Variants in TRAPPC10 observed in about 807,000 individuals in gnomAD.
The protein encoded by TRAPPC10 is TRAPP 130 kDa subunit.
In TRAPPC10, 23 loss-of-function variants were observed where a neutral mutation model predicts 125.5. That is an observed-to-expected ratio of 0.18 (90% CI 0.13 to 0.26). The LOEUF is 0.26. TRAPPC10 is among the 10% of genes least tolerant of loss of function. TRAPPC10 has a pLI of 1.00. For missense variants in TRAPPC10, 1,123 were observed against 1,308.4 expected (o/e 0.86, Z 2.19); for synonymous variants, 509 against 518.0 (o/e 0.98, Z 0.24).
At chr21:44,042,989 TTATA>T (rs2034520697) in intron 3 of TRAPPC10, among the ~76,000 whole-genome samples, 1 of 152,042 alleles carries the variant, frequency 6.6e-6, no homozygotes, top group South Asian at 2.1e-4. Context: ...TTCAAATTAT[TTATA>T]TATATTAGGA....
chr21:44,077,598 A>G (rs772248529), intron 10 of TRAPPC10, 95 bp from the exon 11 acceptor site: 1 of 1,006,092 alleles, frequency 9.9e-7, no homozygotes, highest in Non-Finnish European at 1.5e-6. Flanking sequence ...ACAAAAACCC[A>G]ACAATGTCTT....
chr21:44,076,861 G>A (rs554691937), intron 10 of TRAPPC10, among the ~76,000 whole-genome samples: 2 of 152,264 alleles, frequency 1.3e-5, no homozygotes, highest in East Asian at 1.9e-4. Flanking sequence ...AATATTTACC[G>A]TTTTGTTCAA....
intron 1 of TRAPPC10, among the ~76,000 whole-genome samples, chr21:44,017,256 T>G (rs1024768221): frequency 6.6e-6 from 1 of 152,220 alleles, no homozygotes; most frequent in Non-Finnish European, 1.5e-5. Flanking sequence ...ATGTCATTTC[T>G]ACCCGAGCAT....
At position 44,014,599 on chromosome 21, in the gene TRAPPC10, T is replaced by TG. The variant is rs1310408070; in HGVS notation, c.67+2039_67+2040insG. ...TTTTTGTTTGTTTGTTTTTGTTTTT[T>TG]TTTTTTTTCAGTAGAGACAGAGTTT... On this transcript the variant is annotated intron_variant, in intron 1 of 22. Transcript: ENST00000291574. Among the ~76,000 whole-genome samples, 72 of 150,638 alleles carry TG rather than the reference T, an allele frequency of 4.8e-4. 1 individual carries two copies. The Middle Eastern group carries it at 0.021, about 43-fold the overall frequency.
intron 6 of TRAPPC10, among the ~76,000 whole-genome samples, chr21:44,061,133 A>G (rs2036021552): frequency 6.6e-6 from 1 of 151,146 alleles, no homozygotes; most frequent in Admixed American, 6.6e-5. Context: ...TTTTAATTTA[A>G]TTTAATTTTA....
Position 44,057,122 on chromosome 21 carries a change from C to T in TRAPPC10, c.678+1229C>T, listed in dbSNP as rs552084232. Among the ~76,000 whole-genome samples the T allele has an allele frequency of 2.6e-5, 4 of 152,148 alleles. No individual in the cohort carries two copies. In the East Asian group the frequency reaches 7.7e-4, roughly 29 times the overall value. On this transcript the variant is annotated intron_variant, in intron 5 of 22. Coordinates refer to ENST00000291574, the MANE Select transcript of TRAPPC10 (RefSeq NM_003274.5). ...CTGCTTATGTGAGGTCCCTCGAGTG[C>T]TCAGGTTCAGAGACAGAAGGTGGAA...
At chr21:44,040,709 C>T (rs560764720) in intron 3 of TRAPPC10, among the ~76,000 whole-genome samples, 10 of 151,764 alleles carry the variant, frequency 6.6e-5, no homozygotes, top group Middle Eastern at 3.4e-3. Context: ...GCAACCTCCG[C>T]CCCTCTAGGC....
At position 44,037,792 on chromosome 21, in the gene TRAPPC10, G is replaced by C; in HGVS notation, c.150G>C (p.Arg50Ser). Residue 50 changes from arginine to serine, a missense_variant and splice_region_variant, in exon 3 of 23, where the codon AGG becomes AGC. Arg to Ser is a moderately radical substitution (Grantham distance 110, BLOSUM62 -1). Transcript: ENST00000291574. ...AGTGACTTCAAACAATTGTTTACAGGTCCTATGGCCGGGCTCCGAAGATGA... is the reference window on the plus strand; with the variant it reads ...AGTGACTTCAAACAATTGTTTACAGCTCCTATGGCCGGGCTCCGAAGATGA... ...QLPREPMEWRRSYGRAPKMIH... is the reference protein window; with the variant it reads ...QLPREPMEWRSSYGRAPKMIH... The C allele has an allele frequency of 2.5e-6, 4 of 1,612,862 alleles. No individual in the cohort carries two copies. Among genetic ancestry groups the C allele is most frequent in the Non-Finnish European group, 3.4e-6 (4 of 1,179,490 alleles).
intron 12 of TRAPPC10, 62 bp from the exon 13 acceptor site, chr21:44,079,953 A>G (rs2037565145): frequency 2.1e-6 from 3 of 1,454,818 alleles, no homozygotes; most frequent in Non-Finnish European, 2.9e-6. Flanking sequence ...GAGACTTTGC[A>G]TCCACTTCCC....
At chr21:44,019,004 C>G (rs1322887894) in intron 1 of TRAPPC10, among the ~76,000 whole-genome samples, 1 of 152,152 alleles carries the variant, frequency 6.6e-6, no homozygotes, top group African/African-American at 2.4e-5. Flanking sequence ...GTGCTCCACT[C>G]TAGACCTGGT....
In TRAPPC10 at chr21:44,079,687, C is replaced by T. The variant is rs773869793; in HGVS notation, c.1593C>T (p.His531=). ...TRKQLAECQK[H]LGQIENYLQT... Reference sequence around the variant, plus strand: ...AGCAGCTGGCCGAATGTCAAAAGCACCTTGGACAAATTGAAAAGTATCCTT... The same window carrying T: ...AGCAGCTGGCCGAATGTCAAAAGCATCTTGGACAAATTGAAAAGTATCCTT... The change falls in exon 12 of 23, where the codon CAC becomes CAT. Residue 531 remains histidine (H), a synonymous_variant. Transcript: ENST00000291574. 21 of 1,605,432 alleles carry T rather than the reference C, an allele frequency of 1.3e-5. No individual in the cohort carries two copies. The highest frequency in any genetic ancestry group is 2.2e-5 in the East Asian group (1 of 44,846).
intron 7 of TRAPPC10, among the ~76,000 whole-genome samples, chr21:44,064,203 G>GT (rs2036257905): frequency 6.6e-6 from 1 of 152,274 alleles, no homozygotes; most frequent in Non-Finnish European, 1.5e-5. Flanking sequence ...CAGATAAATA[G>GT]TTTTGCACAT....
At chr21:44,065,132 A>C (rs1456401996) in intron 7 of TRAPPC10, among the ~76,000 whole-genome samples, 1 of 152,212 alleles carries the variant, frequency 6.6e-6, no homozygotes, top group Non-Finnish European at 1.5e-5. Flanking sequence ...AGTCCAAATG[A>C]TTCAGACATG....
In TRAPPC10 at chr21:44,089,692, T is replaced by C. The variant is rs2038440583; in HGVS notation, c.2770-141T>C. 4.4e-6 allele frequency: 3 copies of C among 677,210 alleles called. No homozygotes were observed. In the South Asian group the frequency reaches 4.7e-5, roughly 11 times the overall value. 42.0% of individuals were successfully genotyped at this position (677,210 alleles called of 1,614,324 possible). A position where few individuals can be genotyped will look rare whatever the true frequency, so the allele number is the denominator to read the frequency against. ...GTGTATGTGTTGGGTAAGGCTTTGC[T>C]TCCTGGATAATGAGTGGTTGAAGCC... On this transcript the variant is annotated intron_variant, in intron 17 of 22. Transcript: ENST00000291574.
intron 1 of TRAPPC10, among the ~76,000 whole-genome samples, chr21:44,028,604 C>T (rs535533095): frequency 2.0e-5 from 3 of 152,272 alleles, no homozygotes; most frequent in African/African-American, 7.2e-5. Flanking sequence ...GGTGTGGAGA[C>T]GCACAGGGAT....
chr21:44,077,885 C>A, intron 11 of TRAPPC10, 101 bp downstream of exon 11: 1 of 846,548 alleles, frequency 1.2e-6, no homozygotes, highest in Non-Finnish European at 1.8e-6. Flanking sequence ...AATTTGTAGA[C>A]TGAAAAGTGT....
In TRAPPC10 at chr21:44,073,983, TA is replaced by T. The variant is rs3216367; in HGVS notation, c.1039-332del. Among the ~76,000 whole-genome samples, 49 of 151,640 alleles carry T rather than the reference TA, an allele frequency of 3.2e-4. 1 individual carries two copies. Among genetic ancestry groups the T allele is most frequent in the African/African-American group, 1.0e-3 (42 of 41,348 alleles). On this transcript the variant is annotated intron_variant, in intron 7 of 22. Coordinates refer to ENST00000291574, the MANE Select transcript of TRAPPC10 (RefSeq NM_003274.5). ...TCTTTTTCTAGGTTTTTCCTTTTTT[TA>T]AAAAAAAATTCTTTTTCTATATATA... is the stretch of plus-strand genomic sequence containing the variant.
At chr21:44,086,462 T>C (rs1004833771) in intron 15 of TRAPPC10, among the ~76,000 whole-genome samples, 2 of 152,264 alleles carry the variant, frequency 1.3e-5, no homozygotes, top group African/African-American at 4.8e-5. Flanking sequence ...AGCCTCATTA[T>C]GTGATTCTCT....
intron 9 of TRAPPC10, 32 bp downstream of exon 9, chr21:44,075,185 GA>G (rs1296138018): frequency 4.1e-6 from 6 of 1,466,382 alleles, no homozygotes; most frequent in Non-Finnish European, 5.7e-6. Flanking sequence ...TGTGAGTGGT[GA>G]GGTGGACAGT....
Sources: allele counts gnomAD v4.1 joint callset (sites outside exome capture counted in the v4.1 genomes callset), GRCh38; gene constraint gnomAD v4.1.1; transcripts MANE v1.5; gene names NCBI Gene and HGNC (gene_info 2026-07-23, HGNC 2026-07-21).